Variants in ACSBG2 observed in about 807,000 individuals in gnomAD.
The protein encoded by ACSBG2 is long-chain-fatty-acid--CoA ligase ACSBG2.
ACSBG2 carries 62 observed loss-of-function variants against 74.7 expected under a neutral mutation model. The ratio of observed to expected loss-of-function variants is 0.83; its 90% CI spans 0.68 to 1.03. ACSBG2 has a LOEUF of 1.03. ACSBG2 is among the 50% of genes least tolerant of loss of function. The probability of loss-of-function intolerance (pLI) is 0.00; values close to 1 mark genes in which losing one functional copy is unlikely to be tolerated. For synonymous variants in ACSBG2, 309 were observed against 294.1 expected (o/e 1.05, Z -0.52); for missense variants, 730 against 817.6 (o/e 0.89, Z 1.31).
At chr19:6,183,298 G>A in intron 10 of ACSBG2, 26 bp downstream of exon 10, 1 of 1,601,744 alleles carries the variant, frequency 6.2e-7, no homozygotes, top group Non-Finnish European at 8.5e-7. Flanking sequence ...GCAGACCCCT[G>A]CTCCTCCCAT....
Position 6,180,208 on chromosome 19 carries a change from AG to A in ACSBG2, c.907-2542del, listed in dbSNP as rs1337572677. On this transcript the variant is annotated intron_variant, in intron 8 of 14. Transcript: ENST00000588485. The surrounding 1 kb of genome is among the most constrained non-coding windows in gnomAD (Gnocchi z 4.3). Reference sequence around the variant, plus strand: ...ATTCTTAACTTAATCCCATCTACAAAGTCCCTTTTGCCATGAAAGATTACAT... The same window carrying A: ...ATTCTTAACTTAATCCCATCTACAAATCCCTTTTGCCATGAAAGATTACAT... 6.6e-6 allele frequency among the ~76,000 whole-genome samples: 1 copy of A among 152,084 alleles called. No individual in the cohort carries two copies. The highest frequency in any genetic ancestry group is 1.5e-5 in the Non-Finnish European group (1 of 68,018).
chr19:6,184,832 GAAAAAAAA>G lies in ACSBG2; in HGVS notation c.1323-571_1323-564del, dbSNP rs371866289. ...TTTCTTTGCCGGCATATGTGGAGATGAAAAAAAAAAAAAAAAAAAAAAAAAAAAAAAAA... is the reference window on the plus strand; with the variant it reads ...TTTCTTTGCCGGCATATGTGGAGATGAAAAAAAAAAAAAAAAAAAAAAAAA... On this transcript the variant is annotated intron_variant, in intron 10 of 14. Transcript: ENST00000588485. 3.5e-3 allele frequency among the ~76,000 whole-genome samples: 47 copies of G among 13,528 alleles called. 1 individual carries two copies. Among genetic ancestry groups the G allele is most frequent in the African/African-American group, 4.8e-3 (39 of 8,098 alleles). 8.9% of individuals were successfully genotyped at this position (13,528 alleles called of 152,430 possible).
At chr19:6,184,089 C>T (rs886521098) in intron 10 of ACSBG2, among the ~76,000 whole-genome samples, 13 of 152,190 alleles carry the variant, frequency 8.5e-5, no homozygotes, top group African/African-American at 3.1e-4. Flanking sequence ...AACCACCATG[C>T]CCAGCATTGC....
chr19:6,188,367 A>G (rs2090464727), intron 13 of ACSBG2, among the ~76,000 whole-genome samples: 1 of 152,238 alleles, frequency 6.6e-6, no homozygotes, highest in Non-Finnish European at 1.5e-5. Context: ...ATGGCCAGGC[A>G]CAGTGGCTCA....
At chr19:6,151,877 G>A in intron 4 of ACSBG2, 82 bp downstream of exon 4, 1 of 1,322,780 alleles carries the variant, frequency 7.6e-7, no homozygotes, top group Non-Finnish European at 1.1e-6. Flanking sequence ...TCCAGTGTGA[G>A]ATGCAAACAG....
At chr19:6,136,877 G>A (rs572308819) in intron 1 of ACSBG2, among the ~76,000 whole-genome samples, 2 of 152,170 alleles carry the variant, frequency 1.3e-5, no homozygotes, top group African/African-American at 4.8e-5. Context: ...TCACAGGTGT[G>A]AGCCTCCGCA....
chr19:6,161,303 T>C lies in ACSBG2; in HGVS notation c.588+8T>C. 5.0e-6 allele frequency: 8 copies of C among 1,609,926 alleles called. No homozygotes were observed. The highest frequency in any genetic ancestry group is 6.8e-6 in the Non-Finnish European group (8 of 1,177,368). On this transcript the variant is annotated splice_region_variant and intron_variant, in intron 6 of 14. Transcript: ENST00000588485. ...AACAACAACTTGTACTCTGTAAGTG[T>C]GGGAGGTGGGCACTGGGGAAAGGGG...
chr19:6,187,703 T>G lies in ACSBG2; in HGVS notation c.1785T>G (p.Ile595Met). ...LGSQASTVTE[I>M]VKQQDPLVYK... ...GCCAGGCATCCACCGTGACTGAGAT[T>G]GTGAAGCAGCAAGACCCCCTGGTCT... The change falls in exon 13 of 15, where the codon ATT (isoleucine) becomes ATG (methionine). Residue 595 changes from isoleucine to methionine, a missense_variant. Physicochemically the swap from Ile to Met is conservative, Grantham distance 10. Coordinates refer to ENST00000588485, the MANE Select transcript of ACSBG2 (RefSeq NM_030924.5). 2 of 1,613,378 alleles carry G rather than the reference T, an allele frequency of 1.2e-6. No homozygotes were observed. Among genetic ancestry groups the G allele is most frequent in the Non-Finnish European group, 1.7e-6 (2 of 1,179,744 alleles).
intron 7 of ACSBG2, chr19:6,176,066 G>A (rs189645832): frequency 1.4e-3 from 413 of 304,896 alleles, no homozygotes; most frequent in Non-Finnish European, 1.8e-3. Context: ...TACTCCTAAA[G>A]CTGCCTGCTA....
chr19:6,154,810 C>T (rs953575507), intron 4 of ACSBG2, among the ~76,000 whole-genome samples: 1 of 152,080 alleles, frequency 6.6e-6, no homozygotes, highest in Admixed American at 6.6e-5. Context: ...CTGTGCCCAG[C>T]CCAGAATAAA....
At chr19:6,173,869 G>GCT (rs2145188878) in intron 7 of ACSBG2, among the ~76,000 whole-genome samples, 1 of 152,120 alleles carries the variant, frequency 6.6e-6, no homozygotes, top group African/African-American at 2.4e-5. Context: ...AAGCCACAGG[G>GCT]CTCTGGGCAG....
Position 6,163,171 on chromosome 19 carries a change from C to A in ACSBG2, c.588+1876C>A, listed in dbSNP as rs181448722. Among the ~76,000 whole-genome samples the A allele has an allele frequency of 3.1e-4, 43 of 139,234 alleles. 2 individuals carry two copies. The East Asian group carries it at 9.1e-3, about 30-fold the overall frequency. The allele number at this position is 139,234 out of a possible 152,430, so 91.3% of individuals were successfully genotyped here. On this transcript the variant is annotated intron_variant, in intron 6 of 14. Transcript: ENST00000588485. ...AATAATAATAATAATAATAATCGCC[C>A]AAGCACAGTGGCTCACACCTGTAAT...
rs999087485 is a variant in ACSBG2 at position 6,156,291 on chromosome 19, G to T, written c.387-140G>T. 1.5e-5 allele frequency: 12 copies of T among 825,668 alleles called. No individual in the cohort carries two copies. The African/African-American group carries it at 1.8e-4, about 12-fold the overall frequency. The allele number at this position is 825,668 out of a possible 1,614,324, so 51.1% of individuals were successfully genotyped here. On this transcript the variant is annotated intron_variant, in intron 4 of 14. Coordinates refer to ENST00000588485, the MANE Select transcript of ACSBG2 (RefSeq NM_030924.5). The stretch of plus-strand genomic sequence containing the variant: ...TTTTTGTTGTCTTCATCATTGTTAA[G>T]TTGGGGAGGAAGGGAAGCTGGTGCT...
chr19:6,181,221 C>CAAAAA (rs1157571006), intron 8 of ACSBG2, among the ~76,000 whole-genome samples: 1,130 of 29,144 alleles, frequency 0.039, 30 homozygotes, highest in African/African-American at 0.065. Flanking sequence ...GAGACTGTGT[C>CAAAAA]AAAAAAAAAA....
rs181300641 is a variant in ACSBG2, at chr19:6,180,211, C to A, written c.907-2540C>A. Among the ~76,000 whole-genome samples the A allele has an allele frequency of 3.0e-4, 46 of 152,206 alleles. No homozygotes were observed. Among genetic ancestry groups the A allele is most frequent in the African/African-American group, 1.0e-3 (42 of 41,522 alleles). ...CTTAACTTAATCCCATCTACAAAGT[C>A]CCTTTTGCCATGAAAGATTACATAT... On this transcript the variant is annotated intron_variant, in intron 8 of 14. Transcript: ENST00000588485. The surrounding 1 kb of genome is among the most constrained non-coding windows in gnomAD (Gnocchi z 4.3).
intron 1 of ACSBG2, among the ~76,000 whole-genome samples, chr19:6,140,451 G>A (rs913989578): frequency 2.0e-5 from 3 of 152,142 alleles, no homozygotes; most frequent in East Asian, 1.9e-4. Flanking sequence ...AGGCTGAGGC[G>A]GGCGGATCAC....
rs1173870297 is a variant in ACSBG2, at chr19:6,135,823, G to A, written c.-118G>A. 3 of 152,354 alleles carry A rather than the reference G, an allele frequency of 2.0e-5. No homozygotes were observed. Among genetic ancestry groups the A allele is most frequent in the African/African-American group, 7.2e-5 (3 of 41,464 alleles). The allele number at this position is 152,354 out of a possible 1,614,324, so 9.4% of individuals were successfully genotyped here. Reference sequence around the variant, plus strand: ...GGGCTACCTGTTGACTGTCTTTGCAGGAAGAAGAAAACACCTGAGTGACCA... The same window carrying A: ...GGGCTACCTGTTGACTGTCTTTGCAAGAAGAAGAAAACACCTGAGTGACCA... On this transcript the variant is annotated 5_prime_UTR_variant, in exon 1 of 15. Transcript: ENST00000588485.
chr19:6,189,437 G>C (rs907433892), intron 13 of ACSBG2, among the ~76,000 whole-genome samples: 1 of 152,192 alleles, frequency 6.6e-6, no homozygotes, highest in Non-Finnish European at 1.5e-5. Flanking sequence ...GGTGTGGATG[G>C]AAGAATCAGA....
intron 4 of ACSBG2, among the ~76,000 whole-genome samples, chr19:6,155,427 A>G (rs181702578): frequency 2.6e-3 from 401 of 152,348 alleles, no homozygotes; most frequent in Non-Finnish European, 4.8e-3. Flanking sequence ...AGCAAAAAGC[A>G]TAAGAGAAAA....
Sources: gnomAD v4.1 joint callset for allele counts (sites outside exome capture counted in the v4.1 genomes callset) on GRCh38, gnomAD v4.1.1 for gene constraint, Gnocchi (gnomAD v3.1) non-coding constraint, MANE v1.5 for transcripts, NCBI Gene and HGNC (gene_info 2026-07-23, HGNC 2026-07-21) for gene names.